Variants in NUMB observed in about 807,000 individuals in gnomAD.
NUMB encodes protein numb homolog.
Under a neutral mutation model 59.7 loss-of-function variants are expected in NUMB, and 29 were observed. The ratio of observed to expected loss-of-function variants is 0.49; its 90% CI spans 0.36 to 0.66. NUMB has a LOEUF of 0.66. Ranked by LOEUF, NUMB falls within the 30% of genes least tolerant of loss-of-function variation. The pLI, the probability that NUMB is intolerant of heterozygous loss-of-function variation, is 0.00. For synonymous variants in NUMB, 288 were observed against 288.2 expected, an observed-to-expected ratio of 1.00 and a Z score of 0.01; for missense variants, 723 against 822.0, an observed-to-expected ratio of 0.88 and a Z score of 1.47.
chr14:73,339,773 T>TTTTG (rs151179268), intron 4 of NUMB, among the ~76,000 whole-genome samples: 2 of 152,054 alleles, frequency 1.3e-5, no homozygotes, highest in Admixed American at 1.3e-4. Flanking sequence ...CCCTATCGTT[T>TTTTG]TTTGTTTGTT....
chr14:73,384,237 C>T (rs1286464793), intron 2 of NUMB, among the ~76,000 whole-genome samples: 2 of 151,454 alleles, frequency 1.3e-5, no homozygotes, highest in Non-Finnish European at 2.9e-5. Flanking sequence ...TATAGGGGCC[C>T]ACCACCATGC....
rs1386772229 is a variant in NUMB, at chr14:73,360,700, C to T, written c.-15-4934G>A. ...CTGTTGTTTCCTTCTCTCTGAAATA[C>T]TCTTCTCCCAGACCCTTCAACAGTA... On this transcript the variant is annotated intron_variant, in intron 3 of 12. Transcript: ENST00000555238. Among the ~76,000 whole-genome samples the T allele has an allele frequency of 3.3e-5, 5 of 152,136 alleles. No homozygotes were observed. In the East Asian group the frequency reaches 5.8e-4, roughly 18 times the overall value.
intron 6 of NUMB, among the ~76,000 whole-genome samples, chr14:73,308,453 A>G (rs1890587480): frequency 6.6e-6 from 1 of 152,154 alleles, no homozygotes; most frequent in South Asian, 2.1e-4. Context: ...GATGATATTG[A>G]CACCTATCTA....
chr14:73,309,932 C>G (rs1890682500), intron 6 of NUMB, among the ~76,000 whole-genome samples: 1 of 151,982 alleles, frequency 6.6e-6, no homozygotes, highest in Admixed American at 6.6e-5. Context: ...CAACATATTA[C>G]TTTTCAACCA....
chr14:73,356,663 GA>G (rs1045784282), intron 3 of NUMB, among the ~76,000 whole-genome samples: 10 of 151,658 alleles, frequency 6.6e-5, no homozygotes, highest in African/African-American at 1.5e-4. Context: ...CACACTTAAA[GA>G]AAAAAAATGT....
At chr14:73,290,933 TAA>T (rs1409012953) in intron 8 of NUMB, among the ~76,000 whole-genome samples, 1 of 152,216 alleles carries the variant, frequency 6.6e-6, no homozygotes, top group East Asian at 1.9e-4. Flanking sequence ...CATTGTCATT[TAA>T]AAGAGACTTG....
At position 73,405,661 on chromosome 14, in the gene NUMB, G is replaced by A. The variant is rs1345165379; in HGVS notation, c.-101+4276C>T. 3.3e-5 allele frequency among the ~76,000 whole-genome samples: 5 copies of A among 152,038 alleles called. No homozygotes were observed. The South Asian group carries it at 1.0e-3, about 32-fold the overall frequency. ...CCCCAGGTCATCCATGGTGGGGGCAGCAGCAACAACAGAAGAATCTGGGAA... is the reference window on the plus strand; with the variant it reads ...CCCCAGGTCATCCATGGTGGGGGCAACAGCAACAACAGAAGAATCTGGGAA... On this transcript the variant is annotated intron_variant, in intron 2 of 12. Transcript: ENST00000555238.
chr14:73,387,464 C>T (rs1331397952), intron 2 of NUMB, among the ~76,000 whole-genome samples: 1 of 152,094 alleles, frequency 6.6e-6, no homozygotes, highest in African/African-American at 2.4e-5. Flanking sequence ...TAAAAAACCT[C>T]ACAAAATCTG....
chr14:73,307,656 G>C (rs1307123959), intron 6 of NUMB, among the ~76,000 whole-genome samples: 1 of 151,812 alleles, frequency 6.6e-6, no homozygotes, highest in Non-Finnish European at 1.5e-5. Flanking sequence ...TAAAAGACTG[G>C]CTTTTACTCT....
intron 2 of NUMB, among the ~76,000 whole-genome samples, chr14:73,386,926 G>T (rs1895568830): frequency 7.9e-6 from 1 of 126,248 alleles, no homozygotes; most frequent in Non-Finnish European, 1.6e-5. Flanking sequence ...TGTCGCCCAG[G>T]CTGGAGTGCA....
chr14:73,349,650 C>A (rs1370525451), intron 4 of NUMB, among the ~76,000 whole-genome samples: 1 of 151,256 alleles, frequency 6.6e-6, no homozygotes, highest in African/African-American at 2.4e-5. Context: ...GAGGCCGAGA[C>A]GGGTGGATCA....
At chr14:73,317,578 A>T (rs1891156219) in intron 5 of NUMB, among the ~76,000 whole-genome samples, 1 of 152,254 alleles carries the variant, frequency 6.6e-6, no homozygotes, top group Admixed American at 6.5e-5. Flanking sequence ...CTGGAATTAC[A>T]GACATGGGCC....
chr14:73,377,443 C>T (rs977998439), intron 2 of NUMB, among the ~76,000 whole-genome samples: 12 of 152,052 alleles, frequency 7.9e-5, no homozygotes, highest in Admixed American at 7.2e-4. Flanking sequence ...GAGTTCGAGA[C>T]CAGCCTGGCC....
At chr14:73,346,726 A>G (rs1004973646) in intron 4 of NUMB, among the ~76,000 whole-genome samples, 3 of 152,020 alleles carry the variant, frequency 2.0e-5, no homozygotes, top group African/African-American at 4.8e-5. Context: ...CAGTTCCTCA[A>G]CTTCTCTATA....
At chr14:73,450,754 A>G (rs1883868086) in intron 1 of NUMB, among the ~76,000 whole-genome samples, 1 of 152,090 alleles carries the variant, frequency 6.6e-6, no homozygotes, top group Non-Finnish European at 1.5e-5. Context: ...GTGCCACAGC[A>G]CTCCAGCCTG....
chr14:73,287,214 G>C lies in NUMB; in HGVS notation c.551C>G (p.Ala184Gly). The C allele has an allele frequency of 3.1e-6, 5 of 1,613,636 alleles. No individual in the cohort carries two copies. Among genetic ancestry groups the C allele is most frequent in the Non-Finnish European group, 4.2e-6 (5 of 1,179,918 alleles). The change falls in exon 9 of 13, where the codon GCT becomes GGT. Residue 184 changes from alanine to glycine, a missense_variant. Ala to Gly is a moderately conservative substitution (Grantham distance 60). Coordinates refer to ENST00000555238, the MANE Select transcript of NUMB (RefSeq NM_001005743.2). ...TTCTCTTGTAAAAGTGGTCCGACTA[G>C]CATCAAAAGTAGCAGTCACTCCACA... ...KECGVTATFD[A>G]SRTTFTREGS...
intron 2 of NUMB, among the ~76,000 whole-genome samples, chr14:73,391,450 CAG>C (rs953414943): frequency 1.3e-4 from 19 of 151,886 alleles, no homozygotes; most frequent in African/African-American, 4.1e-4. Flanking sequence ...TTGCATCTGT[CAG>C]GGGTTTATTA....
intron 10 of NUMB, among the ~76,000 whole-genome samples, chr14:73,283,613 A>C (rs1888785804): frequency 6.6e-6 from 1 of 152,248 alleles, no homozygotes; most frequent in Non-Finnish European, 1.5e-5. Context: ...TGTACACGAA[A>C]GACCTGTCTA....
chr14:73,433,753 G>C (rs1402478157), intron 1 of NUMB, among the ~76,000 whole-genome samples: 1 of 151,886 alleles, frequency 6.6e-6, no homozygotes. Context: ...AGGAGTATAG[G>C]TAGTAAAGAG....
Sources: allele counts gnomAD v4.1 joint callset (sites outside exome capture counted in the v4.1 genomes callset), GRCh38; gene constraint gnomAD v4.1.1; transcripts MANE v1.5; gene names NCBI Gene and HGNC (gene_info 2026-07-23, HGNC 2026-07-21).